Variants in TBC1D5 observed in about 807,000 individuals in gnomAD.
TBC1D5 encodes TBC1 domain family, member 5.
In TBC1D5, 75 loss-of-function variants were observed where a neutral mutation model predicts 100.3. That is an observed-to-expected ratio of 0.75 (90% CI 0.62 to 0.91). The LOEUF (loss-of-function observed/expected upper bound fraction) is 0.91. Among genes scored for constraint, TBC1D5 ranks in the 40% least tolerant of loss-of-function variants. TBC1D5 has a pLI of 0.00. For missense variants in TBC1D5, 910 were observed against 942.4 expected (o/e 0.97, Z 0.45); for synonymous variants, 323 against 325.6 (o/e 0.99, Z 0.09).
chr3:17,279,934 T>C (rs1485160552), intron 15 of TBC1D5, among the ~76,000 whole-genome samples: 1 of 152,154 alleles, frequency 6.6e-6, no homozygotes, highest in African/African-American at 2.4e-5. Context: ...CCCAGGAGAA[T>C]GGAGGCAATA....
At chr3:17,637,687 T>C (rs2064094165) in intron 1 of TBC1D5, among the ~76,000 whole-genome samples, 1 of 152,144 alleles carries the variant, frequency 6.6e-6, no homozygotes, top group South Asian at 2.1e-4. Context: ...TAAGTTAATT[T>C]CTTCCCAGCT....
chr3:17,210,455 TG>T (rs2072836948), intron 18 of TBC1D5, among the ~76,000 whole-genome samples: 1 of 152,212 alleles, frequency 6.6e-6, no homozygotes, highest in Admixed American at 6.5e-5. Context: ...CCCAAAGTGC[TG>T]GAATTACAGG....
intron 2 of TBC1D5, among the ~76,000 whole-genome samples, chr3:17,553,454 A>C (rs2096490340): frequency 6.6e-6 from 1 of 152,210 alleles, no homozygotes; most frequent in Non-Finnish European, 1.5e-5. Flanking sequence ...ACTATTTAAC[A>C]AAACTACAAA....
chr3:17,274,236 A>G (rs2079741232), intron 15 of TBC1D5, among the ~76,000 whole-genome samples: 2 of 152,194 alleles, frequency 1.3e-5, no homozygotes, highest in African/African-American at 4.8e-5. Flanking sequence ...AAGATACTGA[A>G]ATCTCTCCTC....
intron 17 of TBC1D5, among the ~76,000 whole-genome samples, chr3:17,223,840 A>G (rs1347154631): frequency 6.6e-6 from 1 of 152,152 alleles, no homozygotes. Flanking sequence ...GGTTGCAGTG[A>G]GCTGAGATCG....
At chr3:17,659,834 C>A (rs116982999) in intron 1 of TBC1D5, among the ~76,000 whole-genome samples, 2,519 of 152,190 alleles carry the variant, frequency 0.017, 52 homozygotes, top group South Asian at 0.048. Context: ...TAGAACTCTT[C>A]ATTTCCAGTA....
chr3:17,715,144 T>C (rs767382529), intron 1 of TBC1D5, among the ~76,000 whole-genome samples: 1 of 152,240 alleles, frequency 6.6e-6, no homozygotes, highest in Non-Finnish European at 1.5e-5. Flanking sequence ...TAAATGTAAA[T>C]GTCATACTGC....
At chr3:17,541,735 G>C (rs750540561) in intron 2 of TBC1D5, among the ~76,000 whole-genome samples, 28 of 152,084 alleles carry the variant, frequency 1.8e-4, no homozygotes, top group Non-Finnish European at 3.1e-4. Context: ...AACAGAAATA[G>C]CAAAAACTGA....
intron 1 of TBC1D5, among the ~76,000 whole-genome samples, chr3:17,731,636 G>C (rs1310793118): frequency 6.6e-6 from 1 of 152,018 alleles, no homozygotes; most frequent in Non-Finnish European, 1.5e-5. Context: ...GGGGACACCA[G>C]TCAGAAGACC....
intron 13 of TBC1D5, among the ~76,000 whole-genome samples, chr3:17,366,391 TA>T (rs1193332017): frequency 6.6e-6 from 1 of 152,116 alleles, no homozygotes; most frequent in Non-Finnish European, 1.5e-5. Context: ...ATAAATATAA[TA>T]AATTATGAGT....
At chr3:17,422,339 G>GT (rs1168624095) in intron 4 of TBC1D5, among the ~76,000 whole-genome samples, 40 of 147,960 alleles carry the variant, frequency 2.7e-4, no homozygotes, top group African/African-American at 8.4e-4. Flanking sequence ...GGCTAATTTT[G>GT]TTTTTTGTTT....
At chr3:17,655,040 T>C (rs1241521770) in intron 1 of TBC1D5, among the ~76,000 whole-genome samples, 2 of 151,734 alleles carry the variant, frequency 1.3e-5, no homozygotes, top group Non-Finnish European at 2.9e-5. Context: ...GTCTATTTGA[T>C]TCTTCTCTCT....
chr3:17,319,088 GGA>G (rs1435736499), intron 13 of TBC1D5, among the ~76,000 whole-genome samples: 4 of 152,288 alleles, frequency 2.6e-5, no homozygotes, highest in Admixed American at 2.0e-4. Flanking sequence ...TCGGGCTAAT[GGA>G]GAGAACAGAA....
At chr3:17,606,689 T>A (rs1157525731) in intron 2 of TBC1D5, among the ~76,000 whole-genome samples, 1 of 152,140 alleles carries the variant, frequency 6.6e-6, no homozygotes, top group Non-Finnish European at 1.5e-5. Context: ...CATTTTATAA[T>A]ATTAAACCTT....
At chr3:17,618,462 C>A (rs939893167) in intron 2 of TBC1D5, among the ~76,000 whole-genome samples, 1 of 152,240 alleles carries the variant, frequency 6.6e-6, no homozygotes, top group African/African-American at 2.4e-5. Flanking sequence ...TTTAAGTCTA[C>A]AGAAGTTTCT....
chr3:17,569,401 T>C (rs376724404), intron 2 of TBC1D5, among the ~76,000 whole-genome samples: 1 of 151,916 alleles, frequency 6.6e-6, no homozygotes, highest in Non-Finnish European at 1.5e-5. Context: ...TGCAACTATA[T>C]AGATATGAAA....
At chr3:17,550,546 A>C (rs2153448293) in intron 2 of TBC1D5, among the ~76,000 whole-genome samples, 1 of 150,408 alleles carries the variant, frequency 6.6e-6, no homozygotes, top group Middle Eastern at 3.4e-3. Flanking sequence ...CAACAACAAC[A>C]ACAAAAAAAA....
chr3:17,206,241 A>G (rs2072167004), intron 18 of TBC1D5, among the ~76,000 whole-genome samples: 1 of 152,072 alleles, frequency 6.6e-6, no homozygotes. Context: ...CCATTTTTTT[A>G]CTGTCTTTAC....
Position 17,381,979 on chromosome 3 carries a change from T to C in TBC1D5, c.612+1934A>G, listed in dbSNP as rs139626605. On this transcript the variant is annotated intron_variant, in intron 9 of 21. Transcript: ENST00000253692. The stretch of plus-strand genomic sequence containing the variant: ...TAACTGAACCTGTTTCTAGACTGTT[T>C]CACTGAACAATGGTCAATTCACATA... 1.0e-2 allele frequency among the ~76,000 whole-genome samples: 1,515 copies of C among 152,218 alleles called. 28 individuals are homozygous for C. The highest frequency in any genetic ancestry group is 0.034 in the African/African-American group (1,418 of 41,554).
Sources: allele counts gnomAD v4.1 joint callset (sites outside exome capture counted in the v4.1 genomes callset), GRCh38; gene constraint gnomAD v4.1.1; transcripts MANE v1.5; gene names NCBI Gene and HGNC (gene_info 2026-07-23, HGNC 2026-07-21).